Variants in WLS observed in about 807,000 individuals in gnomAD.
WLS encodes the protein Wnt ligand secretion mediator.
WLS carries 23 observed loss-of-function variants against 62.8 expected under a neutral mutation model. The ratio of observed to expected loss-of-function variants is 0.37; its 90% CI spans 0.26 to 0.52. The LOEUF (loss-of-function observed/expected upper bound fraction) is 0.52, where lower values mean the gene tolerates loss of function less well. Ranked by LOEUF, WLS falls within the 20% of genes least tolerant of loss-of-function variation. The pLI is 0.92. For missense variants in WLS, 615 were observed against 697.3 expected (o/e 0.88, Z 1.33); for synonymous variants, 246 against 244.1 (o/e 1.01, Z -0.07).
At chr1:68,224,916 A>G (rs557604220) in intron 1 of WLS, among the ~76,000 whole-genome samples, 2 of 152,346 alleles carry the variant, frequency 1.3e-5, no homozygotes, top group African/African-American at 4.8e-5. Flanking sequence ...TTAGGATTCA[A>G]TCAAGGACTG....
intron 2 of WLS, chr1:68,183,479 T>C (rs747163508): frequency 9.5e-6 from 5 of 524,682 alleles, no homozygotes; most frequent in Non-Finnish European, 2.0e-5. Flanking sequence ...GCTCTCTTTA[T>C]GGAGCTTTCC....
intron 2 of WLS, chr1:68,162,753 G>C: frequency 9.0e-7 from 1 of 1,115,660 alleles, no homozygotes; most frequent in Non-Finnish European, 1.4e-6. Context: ...TGGCAGCCTT[G>C]ATGTCCACGT....
chr1:68,106,287 T>C (rs1214500317), intron 11 of WLS, among the ~76,000 whole-genome samples: 1 of 152,136 alleles, frequency 6.6e-6, no homozygotes, highest in African/African-American at 2.4e-5. Context: ...GAGTTAGCAG[T>C]GAGTGCTCTT....
intron 2 of WLS, among the ~76,000 whole-genome samples, chr1:68,160,013 G>A (rs773714725): frequency 6.7e-6 from 1 of 148,198 alleles, no homozygotes; most frequent in African/African-American, 2.5e-5. Flanking sequence ...ATAAAACATT[G>A]CACCTATTAA....
intron 5 of WLS, among the ~76,000 whole-genome samples, chr1:68,152,704 G>T (rs1304477176): frequency 6.6e-6 from 1 of 152,184 alleles, no homozygotes; most frequent in Non-Finnish European, 1.5e-5. Flanking sequence ...GAGAAGCATT[G>T]CTGTAAAGAG....
intron 11 of WLS, among the ~76,000 whole-genome samples, chr1:68,119,984 A>T (rs2271): frequency 6.6e-6 from 1 of 152,174 alleles, no homozygotes; most frequent in African/African-American, 2.4e-5. Context: ...GGGATCTTAG[A>T]GCCTCAGAAG....
At chr1:68,102,381 G>A (rs1646090892) in intron 11 of WLS, among the ~76,000 whole-genome samples, 1 of 152,120 alleles carries the variant, frequency 6.6e-6, no homozygotes, top group South Asian at 2.1e-4. Flanking sequence ...GCTTTCCTAT[G>A]GGGAGAACCG....
intron 2 of WLS, chr1:68,161,863 C>T (rs78554122): frequency 9.3e-6 from 15 of 1,606,832 alleles, no homozygotes; most frequent in Non-Finnish European, 1.3e-5. Flanking sequence ...CACTGGGATG[C>T]CTCCAGGGAT....
chr1:68,114,438 T>C (rs1329067782), intron 11 of WLS, among the ~76,000 whole-genome samples: 1 of 152,158 alleles, frequency 6.6e-6, no homozygotes, highest in Non-Finnish European at 1.5e-5. Flanking sequence ...ATGATGATGA[T>C]GGCAAAGACA....
chr1:68,221,740 T>G (rs1649950040), intron 1 of WLS, among the ~76,000 whole-genome samples: 1 of 152,200 alleles, frequency 6.6e-6, no homozygotes, highest in Non-Finnish European at 1.5e-5. Context: ...AAGTCAAGAT[T>G]TATTTCAGCT....
chr1:68,203,498 GGA>G (rs1649135422), intron 1 of WLS, among the ~76,000 whole-genome samples: 2 of 152,130 alleles, frequency 1.3e-5, no homozygotes, highest in Admixed American at 1.3e-4. Flanking sequence ...AGCTTTTCTG[GGA>G]GACTTACAGT....
At chr1:68,124,994 C>T (rs191648833), downstream of WLS, among the ~76,000 whole-genome samples, 3 of 152,284 alleles carry the variant, frequency 2.0e-5, no homozygotes, top group East Asian at 5.8e-4. Context: ...AGGAAATAGC[C>T]AGGTCAGATG....
chr1:68,098,670 A>T (rs1334572520), exon 12 of WLS: 1 of 1,613,968 alleles, frequency 6.2e-7, no homozygotes, highest in Non-Finnish European at 8.5e-7. Context: ...ATGAAGGAAT[A>T]TTTCGAAGCG....
chr1:68,232,178 AG>A lies in WLS; in HGVS notation c.106+15del. 1.2e-6 allele frequency: 2 copies of A among 1,613,822 alleles called. No homozygotes were observed. The highest frequency in any genetic ancestry group is 1.7e-6 in the Non-Finnish European group (2 of 1,179,916). On this transcript the variant is annotated intron_variant, in intron 1 of 11. Transcript: ENST00000262348. ...AAGACAGAAAGGGGGAAAAGTTTGC[AG>A]CTCTCCGCACTTACCAATCAAGCCT...
chr1:68,179,684 G>A (rs1332908460), intron 2 of WLS, among the ~76,000 whole-genome samples: 1 of 152,156 alleles, frequency 6.6e-6, no homozygotes, highest in Non-Finnish European at 1.5e-5. Flanking sequence ...GGAATAGAAA[G>A]CTGTCAGGAG....
At chr1:68,146,373 A>G (rs954571746) in intron 8 of WLS, among the ~76,000 whole-genome samples, 1 of 152,114 alleles carries the variant, frequency 6.6e-6, no homozygotes, top group Non-Finnish European at 1.5e-5. Flanking sequence ...GCACTAATAA[A>G]CCATATATTC....
chr1:68,164,542 AC>A lies in WLS; in HGVS notation c.380-5296del, dbSNP rs148197127. The stretch of plus-strand genomic sequence containing the variant: ...CAAAGTGTTGGGATCACAGGCGTGA[AC>A]CACTGTGCCTGGCCTCAAAATTTTT... On this transcript the variant is annotated intron_variant, in intron 2 of 11. Transcript: ENST00000262348. Among the ~76,000 whole-genome samples the A allele has an allele frequency of 8.3e-3, 1,262 of 152,272 alleles. 18 individuals are homozygous for A. The highest frequency in any genetic ancestry group is 0.029 in the African/African-American group (1,213 of 41,546).
At chr1:68,123,035 A>G (rs946454622), downstream of WLS, among the ~76,000 whole-genome samples, 2 of 152,168 alleles carry the variant, frequency 1.3e-5, no homozygotes, top group Non-Finnish European at 2.9e-5. Context: ...GCTCCTCAAC[A>G]TCTTTCCTTC....
chr1:68,208,840 G>A (rs1649390650), intron 1 of WLS, among the ~76,000 whole-genome samples: 1 of 152,150 alleles, frequency 6.6e-6, no homozygotes, highest in African/African-American at 2.4e-5. Context: ...TTAGGAGTGT[G>A]GGTCTAGAAT....
Sources: allele counts gnomAD v4.1 joint callset (sites outside exome capture counted in the v4.1 genomes callset), GRCh38; gene constraint gnomAD v4.1.1; transcripts MANE v1.5; gene names NCBI Gene and HGNC (gene_info 2026-07-23, HGNC 2026-07-21).